MACROD2: variants seen among roughly 807,000 people sequenced by gnomAD.
The protein encoded by MACROD2 is ADP-ribose glycohydrolase MACROD2.
A neutral mutation model predicts 70.4 loss-of-function variants in MACROD2; 36 were observed. The ratio of observed to expected loss-of-function variants is 0.51; its 90% confidence interval spans 0.39 to 0.68. The LOEUF is 0.68. Among genes scored for constraint, MACROD2 ranks in the 30% least tolerant of loss-of-function variants. The probability of loss-of-function intolerance (pLI) is 0.00; values close to 1 mark genes in which losing one functional copy is unlikely to be tolerated. For synonymous variants in MACROD2, 172 were observed against 178.8 expected, an observed-to-expected ratio of 0.96 and a Z score of 0.30; for missense variants, 496 against 538.4, an observed-to-expected ratio of 0.92 and a Z score of 0.78.
intron 5 of MACROD2, among the ~76,000 whole-genome samples, chr20:14,814,549 A>G (rs2072751897): frequency 6.6e-6 from 1 of 152,070 alleles, no homozygotes; most frequent in African/African-American, 2.4e-5. Context: ...TTGTAATAAG[A>G]GATGTAAATT....
intron 6 of MACROD2, among the ~76,000 whole-genome samples, chr20:15,381,078 A>G (rs917633975): frequency 5.9e-5 from 9 of 152,310 alleles, no homozygotes; most frequent in Middle Eastern, 3.4e-3. Context: ...ATGTACTTCT[A>G]TAAGAATTAA....
intron 8 of MACROD2, among the ~76,000 whole-genome samples, chr20:15,761,713 G>A (rs887769676): frequency 2.6e-5 from 4 of 152,166 alleles, no homozygotes; most frequent in South Asian, 2.1e-4. Context: ...AAGCTAGAGC[G>A]CTTTTCCCCA....
intron 3 of MACROD2, among the ~76,000 whole-genome samples, chr20:14,120,448 G>T (rs2054572870): frequency 6.6e-6 from 1 of 151,896 alleles, no homozygotes; most frequent in African/African-American, 2.4e-5. Flanking sequence ...TTCAACCATT[G>T]TGGAAGACAG....
intron 3 of MACROD2, among the ~76,000 whole-genome samples, chr20:14,490,811 T>A (rs1291441754): frequency 6.6e-6 from 1 of 152,168 alleles, no homozygotes; most frequent in Non-Finnish European, 1.5e-5. Flanking sequence ...TTAAGTAATC[T>A]TTGATTTTAT....
At chr20:15,822,675 A>G (rs2147104616) in intron 8 of MACROD2, among the ~76,000 whole-genome samples, 1 of 152,316 alleles carries the variant, frequency 6.6e-6, no homozygotes, top group East Asian at 1.9e-4. Flanking sequence ...TTTGCTATTT[A>G]TATAGAGAGA....
At chr20:15,446,827 AAGTGCAC>A (rs1018084978) in intron 7 of MACROD2, among the ~76,000 whole-genome samples, 1 of 152,182 alleles carries the variant, frequency 6.6e-6, no homozygotes, top group African/African-American at 2.4e-5. Context: ...AAAAAGATAG[AAGTGCAC>A]AGTTGCTGTT....
chr20:14,845,367 G>A (rs1481039179), intron 5 of MACROD2, among the ~76,000 whole-genome samples: 1 of 151,772 alleles, frequency 6.6e-6, no homozygotes, highest in Admixed American at 6.6e-5. Flanking sequence ...TTCTTCTGAT[G>A]GAATTTTTTA....
chr20:14,709,156 T>C (rs777688397), intron 5 of MACROD2, among the ~76,000 whole-genome samples: 1 of 152,182 alleles, frequency 6.6e-6, no homozygotes, highest in Non-Finnish European at 1.5e-5. Context: ...GAGGAACAAA[T>C]GTAGCACCTC....
chr20:15,845,476 T>TC (rs543461510), intron 8 of MACROD2, among the ~76,000 whole-genome samples: 234 of 152,226 alleles, frequency 1.5e-3, no homozygotes, highest in African/African-American at 5.5e-3. Context: ...TCTACTGGGT[T>TC]CACCTTGATC....
intron 8 of MACROD2, among the ~76,000 whole-genome samples, chr20:15,543,255 A>T (rs186860261): frequency 6.4e-4 from 97 of 152,276 alleles, no homozygotes; most frequent in Non-Finnish European, 1.1e-3. Flanking sequence ...CATGTTACTT[A>T]ACTTTTCTAA....
Position 15,600,282 on chromosome 20 carries a change from T to A in MACROD2, c.645+100435T>A, listed in dbSNP as rs942389537. Among the ~76,000 whole-genome samples the A allele has an allele frequency of 2.4e-4, 37 of 152,170 alleles. 1 individual carries two copies. The highest frequency in any genetic ancestry group is 2.6e-4 in the Admixed American group (4 of 15,284). The stretch of plus-strand genomic sequence containing the variant: ...TCAGCACTCATTCTACATTTGCTTC[T>A]TCCAAGTTCCTGGCAGCCTGTCTTT... On this transcript the variant is annotated intron_variant, in intron 8 of 17. Coordinates refer to ENST00000684519, the MANE Select transcript of MACROD2 (RefSeq NM_001351661.2).
chr20:15,035,815 C>T (rs1417098779), intron 5 of MACROD2, among the ~76,000 whole-genome samples: 1 of 152,160 alleles, frequency 6.6e-6, no homozygotes, highest in East Asian at 1.9e-4. Context: ...ATCCTAGGGA[C>T]CTTCATCCTC....
intron 2 of MACROD2, among the ~76,000 whole-genome samples, chr20:14,056,968 G>A (rs2053637254): frequency 6.6e-6 from 1 of 151,818 alleles, no homozygotes. Context: ...AGAAGTTTGT[G>A]ATTGATATCT....
chr20:15,481,124 A>G (rs935788097), intron 7 of MACROD2, among the ~76,000 whole-genome samples: 2 of 152,264 alleles, frequency 1.3e-5, no homozygotes, highest in African/African-American at 2.4e-5. Context: ...TTAAGTTGAT[A>G]CATTGGAATG....
At chr20:14,558,180 G>A (rs941227143) in intron 4 of MACROD2, among the ~76,000 whole-genome samples, 1 of 151,756 alleles carries the variant, frequency 6.6e-6, no homozygotes, top group Non-Finnish European at 1.5e-5. Context: ...GAGGCCGTAA[G>A]CAGATTACTG....
intron 8 of MACROD2, among the ~76,000 whole-genome samples, chr20:15,634,094 T>A (rs2049330829): frequency 6.6e-6 from 1 of 152,218 alleles, no homozygotes; most frequent in African/African-American, 2.4e-5. Flanking sequence ...TTCATGCTAA[T>A]CAAAGAGCAG....
chr20:14,617,607 A>G (rs1363015758), intron 4 of MACROD2, among the ~76,000 whole-genome samples: 1 of 152,140 alleles, frequency 6.6e-6, no homozygotes, highest in Non-Finnish European at 1.5e-5. Context: ...TTCACAGATG[A>G]TTATTCATCA....
intron 8 of MACROD2, among the ~76,000 whole-genome samples, chr20:15,520,154 T>A (rs2047632945): frequency 2.0e-5 from 3 of 152,234 alleles, no homozygotes; most frequent in Admixed American, 6.5e-5. Flanking sequence ...TTAAATGGCT[T>A]TTTGGATAGA....
intron 5 of MACROD2, among the ~76,000 whole-genome samples, chr20:14,996,136 C>T (rs2074947171): frequency 6.6e-6 from 1 of 152,144 alleles, no homozygotes; most frequent in African/African-American, 2.4e-5. Flanking sequence ...ATTGTGAAGA[C>T]AGCTTGAAGT....
Sources: allele counts gnomAD v4.1 joint callset (sites outside exome capture counted in the v4.1 genomes callset), GRCh38; gene constraint gnomAD v4.1.1; transcripts MANE v1.5; gene names NCBI Gene and HGNC (gene_info 2026-07-23, HGNC 2026-07-21).